Variants in VWF observed in about 807,000 individuals in gnomAD.
VWF encodes the protein von Willebrand factor.
VWF carries 176 observed loss-of-function variants against 308.6 expected under a neutral mutation model. The ratio of observed to expected loss-of-function variants is 0.57; its 90% CI spans 0.50 to 0.65. VWF has a LOEUF of 0.65. VWF is among the 30% of genes least tolerant of loss of function. The pLI, the probability that VWF is intolerant of heterozygous loss-of-function variation, is 0.00. For synonymous variants in VWF, 1,385 were observed against 1,443.4 expected (o/e 0.96, Z 0.92); for missense variants, 3,146 against 3,648.2 (o/e 0.86, Z 3.55).
chr12:5,949,266 C>T, intron 51 of VWF, 63 bp from the exon 52 acceptor site: 1 of 1,564,114 alleles, frequency 6.4e-7, no homozygotes, highest in African/African-American at 1.3e-5. Context: ...TTAGGCAGGG[C>T]TCTGGGGCAG....
intron 43 of VWF, among the ~76,000 whole-genome samples, chr12:5,972,705 T>G (rs1943491029): frequency 6.6e-6 from 1 of 152,226 alleles, no homozygotes; most frequent in Non-Finnish European, 1.5e-5. Flanking sequence ...TGCAGTGAGC[T>G]GTCTCCAGGC....
At chr12:5,984,020 ACAG>A (rs1320936496) in intron 40 of VWF, among the ~76,000 whole-genome samples, 1 of 47,398 alleles carries the variant, frequency 2.1e-5, no homozygotes, top group Non-Finnish European at 4.1e-5. Context: ...AGATAGATAG[ACAG>A]ACAGACAGAC....
In VWF at chr12:6,019,656, G is replaced by C; in HGVS notation, c.3762C>G (p.Pro1254=). 11 of 1,613,880 alleles carry C rather than the reference G, an allele frequency of 6.8e-6. No homozygotes were observed. Among genetic ancestry groups the C allele is most frequent in the Non-Finnish European group, 8.5e-6 (10 of 1,179,858 alleles). Residue 1254 remains proline (P), a synonymous_variant, in exon 28 of 52, where the codon CCC becomes CCG. Transcript: ENST00000261405. This position sits in a 1 kb window ranked among gnomAD's most constrained non-coding sequence, Gnocchi z 5.8. ...AGATGTCCTCCACATACAGAGTGGT[G>C]GGGCTCACCGGGGCATCTGTGGGAG... The part of the protein sequence containing the change: ...VVPPTDAPVS[P]TTLYVEDISE...
intron 10 of VWF, among the ~76,000 whole-genome samples, chr12:6,065,474 T>A (rs1944703701): frequency 6.6e-6 from 1 of 152,220 alleles, no homozygotes; most frequent in Non-Finnish European, 1.5e-5. Context: ...GCTGGGTCAT[T>A]CAGGTCAAGG....
At chr12:6,085,928 A>C (rs1944966411) in intron 6 of VWF, among the ~76,000 whole-genome samples, 1 of 152,202 alleles carries the variant, frequency 6.6e-6, no homozygotes, top group African/African-American at 2.4e-5. Flanking sequence ...GGCCAAGTTC[A>C]AGGGAAATCT....
Position 6,018,704 on chromosome 12 carries a change from C to A in VWF, c.4714G>T (p.Gly1572Cys). Residue 1572 changes from glycine (G) to cysteine (C), a missense_variant, in exon 28 of 52, where the codon GGC becomes TGC. By Grantham distance (159) the Gly-to-Cys change is radical (BLOSUM62 -3). Coordinates refer to ENST00000261405, the MANE Select transcript of VWF (RefSeq NM_000552.5). ...LQRVREIRYQGGNRTNTGLAL... is the reference protein window; with the variant it reads ...LQRVREIRYQCGNRTNTGLAL... ...AGCCCAGTGTTGGTCCTGTTGCCGCCCTGGTAGCGGATCTCTCGCACCCGC... is the reference window on the plus strand; with the variant it reads ...AGCCCAGTGTTGGTCCTGTTGCCGCACTGGTAGCGGATCTCTCGCACCCGC... 6.2e-7 allele frequency: 1 copy of A among 1,613,710 alleles called. No individual in the cohort carries two copies. Among genetic ancestry groups the A allele is most frequent in the Non-Finnish European group, 8.5e-7 (1 of 1,179,876 alleles).
At position 5,996,750 on chromosome 12, in the gene VWF, CAA is replaced by C. The variant is rs61616182; in HGVS notation, c.5843-530_5843-529del. ...CGCACAGGAGAAATATTTCCAGAGCCAAAAAAAAAAAAAAAAAAAAAATGGTT... is the reference window on the plus strand; with the variant it reads ...CGCACAGGAGAAATATTTCCAGAGCCAAAAAAAAAAAAAAAAAAAATGGTT... On this transcript the variant is annotated intron_variant, in intron 34 of 51. Transcript: ENST00000261405. Among the ~76,000 whole-genome samples the C allele has an allele frequency of 3.5e-3, 213 of 60,458 alleles. 2 individuals are homozygous for C. The highest frequency in any genetic ancestry group is 0.016 in the Middle Eastern group (1 of 64). The allele number at this position is 60,458 out of a possible 152,430, so 39.7% of individuals were successfully genotyped here. A position where few individuals can be genotyped will look rare whatever the true frequency, so the allele number is the denominator to read the frequency against.
chr12:6,039,604 G>T (rs1299892813), intron 18 of VWF, among the ~76,000 whole-genome samples: 1 of 152,174 alleles, frequency 6.6e-6, no homozygotes, highest in African/African-American at 2.4e-5. Flanking sequence ...CCTCTCGCTT[G>T]TTAACCAAAA....
chr12:6,052,022 AC>A (rs1340500865), intron 16 of VWF, among the ~76,000 whole-genome samples: 1 of 152,190 alleles, frequency 6.6e-6, no homozygotes, highest in Non-Finnish European at 1.5e-5. Context: ...GCTCATGGCA[AC>A]CCTGTTGAAA....
chr12:6,066,347 T>G (rs1944713631), intron 10 of VWF, among the ~76,000 whole-genome samples: 2 of 152,326 alleles, frequency 1.3e-5, no homozygotes, highest in East Asian at 1.9e-4. Context: ...CTTCCCAACC[T>G]GCCCTATATA....
At chr12:6,113,318 G>T (rs1415981141) in intron 3 of VWF, among the ~76,000 whole-genome samples, 4 of 142,094 alleles carry the variant, frequency 2.8e-5, no homozygotes, top group African/African-American at 5.4e-5. Flanking sequence ...TTTTTTTTGA[G>T]ACAGAGTCTC....
At chr12:5,963,126 C>T (rs1943338526) in intron 47 of VWF, among the ~76,000 whole-genome samples, 1 of 152,130 alleles carries the variant, frequency 6.6e-6, no homozygotes, top group South Asian at 2.1e-4. Flanking sequence ...CATCTATAAA[C>T]TGAATTTTAT....
Position 6,075,505 on chromosome 12 carries a change from G to C in VWF, c.704C>G (p.Ala235Gly). The change falls in exon 7 of 52, where the codon GCC (alanine) becomes GGC (glycine). Residue 235 changes from alanine to glycine, a missense_variant. Physicochemically the swap from Ala to Gly is moderately conservative, Grantham distance 60. Transcript: ENST00000261405. The surrounding 1 kb of genome is among the most constrained non-coding windows in gnomAD (Gnocchi z 4.7). The stretch of plus-strand genomic sequence containing the variant: ...GGGGTCCACCAGAGGGTGGCAGCGG[G>C]CAAACACCGAGGTGCTCTTCAGAAG... Reference protein sequence around the residue: ...CQLLKSTSVFARCHPLVDPEP... With the variant: ...CQLLKSTSVFGRCHPLVDPEP... 6.2e-7 allele frequency: 1 copy of C among 1,614,214 alleles called. No homozygotes were observed. The highest frequency in any genetic ancestry group is 8.5e-7 in the Non-Finnish European group (1 of 1,180,034).
chr12:6,084,743 T>G (rs1006563430), intron 6 of VWF, among the ~76,000 whole-genome samples: 14 of 152,144 alleles, frequency 9.2e-5, no homozygotes, highest in African/African-American at 3.1e-4. Flanking sequence ...TTTCTAGCTC[T>G]GGGATGGGTG....
At chr12:6,054,622 T>C (rs1222070418) in intron 15 of VWF, among the ~76,000 whole-genome samples, 2 of 152,242 alleles carry the variant, frequency 1.3e-5, no homozygotes, top group Non-Finnish European at 2.9e-5. Context: ...TGGCCAGCCC[T>C]GGTCCTTGCC....
At chr12:6,066,066 C>A (rs1424279450) in intron 10 of VWF, among the ~76,000 whole-genome samples, 1 of 152,188 alleles carries the variant, frequency 6.6e-6, no homozygotes, top group African/African-American at 2.4e-5. Flanking sequence ...TGGGTGGGGA[C>A]TAGGACTCCC....
chr12:5,987,804 G>T (rs1943696042), intron 38 of VWF, among the ~76,000 whole-genome samples: 2 of 152,216 alleles, frequency 1.3e-5, no homozygotes, highest in African/African-American at 4.8e-5. Flanking sequence ...CGAATCTATA[G>T]TGACAGAAAG....
rs752857167 is a variant in VWF, at chr12:6,095,472, C to T, written c.645G>A (p.Gly215=). The change falls in exon 6 of 52, where the codon GGG becomes GGA. Residue 215 remains glycine, a synonymous_variant. Transcript: ENST00000261405. ...AGTCCACACCCACCTTCTGCATTTC[C>T]CCAGAGGAGATGTTGCATGAGCTGC... ...PPSSSCNISS[G]EMQKGLWEQC... The T allele has an allele frequency of 6.2e-7, 1 of 1,614,068 alleles. No individual in the cohort carries two copies. Among genetic ancestry groups the T allele is most frequent in the Admixed American group, 1.7e-5 (1 of 59,996 alleles).
chr12:5,973,321 G>A (rs990193935), intron 43 of VWF, among the ~76,000 whole-genome samples: 2 of 152,030 alleles, frequency 1.3e-5, no homozygotes, highest in Admixed American at 1.3e-4. Context: ...GTTTTCATTG[G>A]TTTCCCAAAT....
Sources: allele counts gnomAD v4.1 joint callset (sites outside exome capture counted in the v4.1 genomes callset), GRCh38; gene constraint gnomAD v4.1.1; non-coding constraint Gnocchi (gnomAD v3.1); transcripts MANE v1.5; gene names NCBI Gene and HGNC (gene_info 2026-07-23, HGNC 2026-07-21).